Variants in MIER1 observed in about 807,000 individuals in gnomAD.
MIER1 encodes mesoderm induction early response protein 1.
Under a neutral mutation model 75.7 loss-of-function variants are expected in MIER1, and 40 were observed. The observed-to-expected ratio is 0.53, with a 90% CI of 0.41 to 0.69. The LOEUF (loss-of-function observed/expected upper bound fraction) is 0.69. MIER1 is among the 30% of genes least tolerant of loss of function. The pLI is 0.00. For missense variants in MIER1, 574 were observed against 680.2 expected, an observed-to-expected ratio of 0.84 and a Z score of 1.74; for synonymous variants, 213 against 223.4, an observed-to-expected ratio of 0.95 and a Z score of 0.42.
At chr1:66,959,583 G>A (rs893638324) in intron 6 of MIER1, 96 bp from the exon 7 acceptor site, 3 of 619,708 alleles carry the variant, frequency 4.8e-6, no homozygotes, top group Non-Finnish European at 8.4e-6. Flanking sequence ...ATATCTTTGA[G>A]CATATCCAAA....
intron 11 of MIER1, among the ~76,000 whole-genome samples, chr1:66,973,941 A>C (rs1410335752): frequency 6.6e-6 from 1 of 152,046 alleles, no homozygotes; most frequent in Admixed American, 6.6e-5. Context: ...CTTCTGCCAC[A>C]GCTCTCTTTT....
intron 3 of MIER1, among the ~76,000 whole-genome samples, chr1:66,942,657 G>A (rs1445167076): frequency 6.6e-6 from 1 of 152,018 alleles, no homozygotes; most frequent in Admixed American, 6.6e-5. Flanking sequence ...GAATAAGATG[G>A]TTAGTTTGTT....
At chr1:66,925,363 G>C (rs981945720) in intron 1 of MIER1, 5 of 985,372 alleles carry the variant, frequency 5.1e-6, no homozygotes, top group Non-Finnish European at 6.0e-6. Flanking sequence ...GTGGCGCCGC[G>C]CTGGGAATCC....
At chr1:66,950,709 AAT>A (rs1658726794) in intron 4 of MIER1, among the ~76,000 whole-genome samples, 1 of 151,964 alleles carries the variant, frequency 6.6e-6, no homozygotes, top group Non-Finnish European at 1.5e-5. Context: ...TATACACACA[AAT>A]TAATTATATA....
At chr1:66,972,286 T>G (rs1414729144) in intron 10 of MIER1, among the ~76,000 whole-genome samples, 1 of 144,830 alleles carries the variant, frequency 6.9e-6, no homozygotes, top group East Asian at 2.0e-4. Flanking sequence ...TGAGAGATAT[T>G]TATTTAACAA....
intron 2 of MIER1, among the ~76,000 whole-genome samples, chr1:66,934,572 C>CT (rs34540359): frequency 0.77 from 106,138 of 138,208 alleles, 40,952 homozygotes; most frequent in East Asian, 0.87. Flanking sequence ...TCATGCCCGG[C>CT]TTTTTTTTTT....
Position 66,958,983 on chromosome 1 carries a change from A to C in MIER1, c.634A>C (p.Asn212His). ...ACGTCGATGTAAATATTTTGATACA[A>C]GTAAGTGTTACTGGTTGATAATATT... is the stretch of plus-strand genomic sequence containing the variant. Reference protein sequence around the residue: ...RPRRCKYFDTNSEVEEESEED... With the variant: ...RPRRCKYFDTHSEVEEESEED... The change falls in exon 6 of 14, where the codon AAT (asparagine) becomes CAT (histidine). Residue 212 changes from asparagine to histidine, a missense_variant and splice_region_variant. By Grantham distance (68) the Asn-to-His change is moderately conservative. Around this residue, in one of 3 missense-constraint regions of MIER1, gnomAD observed 309 missense variants for 352.8 expected, o/e 0.88. Coordinates refer to ENST00000401041, the MANE Select transcript of MIER1 (RefSeq NM_001077700.3). 1 of 1,611,948 alleles carries C rather than the reference A, an allele frequency of 6.2e-7. No homozygotes were observed.
intron 8 of MIER1, among the ~76,000 whole-genome samples, chr1:66,969,991 A>G (rs1409855579): frequency 1.3e-5 from 2 of 152,178 alleles, no homozygotes; most frequent in Non-Finnish European, 2.9e-5. Flanking sequence ...CTTTGAAGCT[A>G]TTCTTTGAAA....
At chr1:66,963,508 C>T (rs1049954755) in intron 8 of MIER1, among the ~76,000 whole-genome samples, 2 of 152,066 alleles carry the variant, frequency 1.3e-5, no homozygotes, top group African/African-American at 2.4e-5. Flanking sequence ...TTTAGAAGTC[C>T]ATTTTATATC....
intron 1 of MIER1, chr1:66,925,554 A>G: frequency 1.0e-6 from 1 of 985,348 alleles, no homozygotes; most frequent in Non-Finnish European, 1.2e-6. Flanking sequence ...GCCCTGGGCC[A>G]ACTTGCCCTT....
At chr1:66,927,916 C>T (rs1208154333) in intron 2 of MIER1, among the ~76,000 whole-genome samples, 1 of 152,048 alleles carries the variant, frequency 6.6e-6, no homozygotes, top group African/African-American at 2.4e-5. Context: ...ATATTTAATA[C>T]TGAAGAGGGT....
Position 66,925,024 on chromosome 1 carries a change from G to A in MIER1, c.-5G>A. The A allele has an allele frequency of 6.5e-7, 1 of 1,546,788 alleles. No homozygotes were observed. The highest frequency in any genetic ancestry group is 8.7e-7 in the Non-Finnish European group (1 of 1,145,418). On this transcript the variant is annotated 5_prime_UTR_variant, in exon 1 of 14. Coordinates refer to ENST00000401041, the MANE Select transcript of MIER1 (RefSeq NM_001077700.3). ...CCAGGCTCTGAGTCTCCCGGCTGCA[G>A]GCGGATGGATGGGGCTTCTTCAGGC...
In MIER1 at chr1:66,985,488, T is replaced by C; in HGVS notation, c.*588T>C. 1 of 983,462 alleles carries C rather than the reference T, an allele frequency of 1.0e-6. No homozygotes were observed. The highest frequency in any genetic ancestry group is 1.2e-6 in the Non-Finnish European group (1 of 828,002). The allele number at this position is 983,462 out of a possible 1,614,324, so 60.9% of individuals were successfully genotyped here. A position where few individuals can be genotyped will look rare whatever the true frequency, so the allele number is the denominator to read the frequency against. On this transcript the variant is annotated 3_prime_UTR_variant, in exon 14 of 14. Transcript: ENST00000401041. The stretch of plus-strand genomic sequence containing the variant: ...ATAAACCAGGTCAGGTTTGTATATG[T>C]AAAATTGTTGACATCAATGATGTCT...
intron 3 of MIER1, among the ~76,000 whole-genome samples, chr1:66,942,516 C>T (rs533599626): frequency 8.1e-4 from 124 of 152,244 alleles, no homozygotes; most frequent in African/African-American, 2.9e-3. Flanking sequence ...AAAGCAGTCA[C>T]ATTTGCCTAA....
intron 2 of MIER1, among the ~76,000 whole-genome samples, chr1:66,934,587 G>A (rs77434959): frequency 1.6e-5 from 1 of 63,812 alleles, no homozygotes; most frequent in Non-Finnish European, 3.4e-5. Context: ...TTTTTTTTTT[G>A]TGGAGACAGG....
intron 2 of MIER1, chr1:66,930,283 G>C: frequency 6.5e-7 from 1 of 1,544,572 alleles, no homozygotes. Flanking sequence ...GGCGGCGGGA[G>C]CGGCAGAGAC....
intron 10 of MIER1, among the ~76,000 whole-genome samples, chr1:66,972,660 TAAGAATTAAG>T (rs955631463): frequency 2.0e-5 from 3 of 151,976 alleles, no homozygotes; most frequent in African/African-American, 7.2e-5. Context: ...GTTTGATCAG[TAAGAATTAAG>T]AAGAAAGTGG....
chr1:66,942,607 T>C (rs75926810), intron 3 of MIER1, among the ~76,000 whole-genome samples: 13 of 152,096 alleles, frequency 8.5e-5, no homozygotes, highest in Admixed American at 5.2e-4. Context: ...TTTTTTTTTT[T>C]CCTAGGAGAC....
rs1491575978 is a variant in MIER1, at chr1:66,945,317, A to AT, written c.194-833_194-832insT. On this transcript the variant is annotated intron_variant, in intron 3 of 13. Coordinates refer to ENST00000401041, the MANE Select transcript of MIER1 (RefSeq NM_001077700.3). ...TATATATATATATATATATATATAT[A>AT]AAATACCTAATATAGGTAAATGCTA... is the stretch of plus-strand genomic sequence containing the variant. Among the ~76,000 whole-genome samples the AT allele has an allele frequency of 1.1e-3, 155 of 134,900 alleles. 3 individuals are homozygous for AT. The highest frequency in any genetic ancestry group is 1.8e-3 in the Non-Finnish European group (111 of 60,994). 88.5% of individuals were successfully genotyped at this position (134,900 alleles called of 152,430 possible).
Sources: gnomAD v4.1 joint callset for allele counts (sites outside exome capture counted in the v4.1 genomes callset) on GRCh38, gnomAD v4.1.1 for gene constraint, gnomAD v4.1.1 regional missense constraint, MANE v1.5 for transcripts, NCBI Gene and HGNC (gene_info 2026-07-23, HGNC 2026-07-21) for gene names.